PAPOLA: variants seen among roughly 807,000 people sequenced by gnomAD.
The protein encoded by PAPOLA is polynucleotide adenylyltransferase alpha.
In PAPOLA, 15 loss-of-function variants were observed where a neutral mutation model predicts 100.6. The ratio of observed to expected loss-of-function variants is 0.15; its 90% confidence interval spans 0.10 to 0.23. The LOEUF is 0.23. PAPOLA is among the 10% of genes least tolerant of loss of function. The pLI is 1.00. For missense variants in PAPOLA, 533 were observed against 884.2 expected, an observed-to-expected ratio of 0.60 and a Z score of 5.04; for synonymous variants, 293 against 300.0, an observed-to-expected ratio of 0.98 and a Z score of 0.24.
In PAPOLA at chr14:96,523,360, A is replaced by C. The variant is rs150065083; in HGVS notation, c.250-1950A>C. 8.5e-4 allele frequency among the ~76,000 whole-genome samples: 129 copies of C among 152,350 alleles called. 2 individuals carry two copies. The East Asian group carries it at 0.024, about 28-fold the overall frequency. ...AAATAAAAATTAAAATTAAACATTCAGATTCTTGACTACACTAGCAACATT... is the reference window on the plus strand; with the variant it reads ...AAATAAAAATTAAAATTAAACATTCCGATTCTTGACTACACTAGCAACATT... On this transcript the variant is annotated intron_variant, in intron 3 of 21. Coordinates refer to ENST00000216277, the MANE Select transcript of PAPOLA (RefSeq NM_032632.5).
At chr14:96,533,013 G>T in intron 9 of PAPOLA, 1 of 987,446 alleles carries the variant, frequency 1.0e-6, no homozygotes, top group Non-Finnish European at 1.2e-6. Flanking sequence ...CTATCTATAG[G>T]CCATTAGTTT....
chr14:96,523,294 A>G (rs1020637266), intron 3 of PAPOLA, among the ~76,000 whole-genome samples: 2 of 152,222 alleles, frequency 1.3e-5, no homozygotes, highest in Admixed American at 1.3e-4. Context: ...CTAAAAATGT[A>G]GTTTATAATA....
chr14:96,562,211 A>G (rs1424635380), intron 20 of PAPOLA, among the ~76,000 whole-genome samples: 3 of 151,842 alleles, frequency 2.0e-5, no homozygotes, highest in Non-Finnish European at 2.9e-5. Flanking sequence ...ATTTTCATTT[A>G]TTTGTGTAGA....
intron 10 of PAPOLA, chr14:96,535,437 A>T (rs1451740179): frequency 1.0e-6 from 1 of 984,306 alleles, no homozygotes; most frequent in Admixed American, 6.2e-5. Flanking sequence ...ACCGCGTGTT[A>T]ATAAGCTTGA....
In PAPOLA at chr14:96,541,464, A is replaced by G. The variant is rs1464620099; in HGVS notation, c.1116-779A>G. 2.6e-5 allele frequency among the ~76,000 whole-genome samples: 4 copies of G among 152,196 alleles called. No homozygotes were observed. In the East Asian group the frequency reaches 5.8e-4, roughly 22 times the overall value. ...CCAGCACTTCTAAAATGGGTACTGT[A>G]GAAGAGTATATTGGATTGAACTTTT... is the stretch of plus-strand genomic sequence containing the variant. On this transcript the variant is annotated intron_variant, in intron 12 of 21. Transcript: ENST00000216277.
intron 1 of PAPOLA, among the ~76,000 whole-genome samples, chr14:96,516,609 G>A (rs2140245141): frequency 6.6e-6 from 1 of 152,256 alleles, no homozygotes; most frequent in Admixed American, 6.5e-5. Flanking sequence ...TAAGCATTGG[G>A]ATTATATGCA....
chr14:96,533,031 T>C, intron 9 of PAPOLA: 1 of 984,194 alleles, frequency 1.0e-6, no homozygotes, highest in Non-Finnish European at 1.2e-6. Context: ...TTTCTTGTGA[T>C]TGTTTTTTTT....
At chr14:96,520,515 A>C in intron 2 of PAPOLA, among the ~76,000 whole-genome samples, 1 of 152,064 alleles carries the variant, frequency 6.6e-6, no homozygotes, top group East Asian at 1.9e-4. Context: ...AGCTGGGATT[A>C]TAGGTACCCG....
In PAPOLA at chr14:96,565,336, T is replaced by A; in HGVS notation, c.*286T>A. 1 of 335,772 alleles carries A rather than the reference T, an allele frequency of 3.0e-6. No homozygotes were observed. The highest frequency in any genetic ancestry group is 5.4e-6 in the Non-Finnish European group (1 of 184,046). The allele number at this position is 335,772 out of a possible 1,614,324, so 20.8% of individuals were successfully genotyped here. ...GCTATATTTGTATTCATAATTGACA[T>A]CTGGATTGGGTTTATGTTTGATGCA... On this transcript the variant is annotated 3_prime_UTR_variant, in exon 22 of 22. Transcript: ENST00000216277.
intron 1 of PAPOLA, among the ~76,000 whole-genome samples, chr14:96,516,093 CTACTT>C (rs1223857261): frequency 6.6e-6 from 1 of 152,148 alleles, no homozygotes; most frequent in African/African-American, 2.4e-5. Context: ...TTTTATCACT[CTACTT>C]AATTTCTAAT....
chr14:96,509,946 G>A (rs1896994374), intron 1 of PAPOLA, among the ~76,000 whole-genome samples: 1 of 136,048 alleles, frequency 7.4e-6, no homozygotes, highest in Admixed American at 7.4e-5. Flanking sequence ...GTTGTGGCCA[G>A]TACCTTTTGT....
At chr14:96,512,149 A>T (rs966198698) in intron 1 of PAPOLA, among the ~76,000 whole-genome samples, 1 of 152,176 alleles carries the variant, frequency 6.6e-6, no homozygotes, top group Non-Finnish European at 1.5e-5. Flanking sequence ...TATTTACTTT[A>T]AATAATTTAA....
At chr14:96,518,485 T>C (rs945652690) in intron 1 of PAPOLA, among the ~76,000 whole-genome samples, 1 of 151,830 alleles carries the variant, frequency 6.6e-6, no homozygotes, top group Non-Finnish European at 1.5e-5. Context: ...CTCAGCTCAC[T>C]GCAAGCTCCG....
chr14:96,530,950 G>A (rs534652533), intron 6 of PAPOLA, among the ~76,000 whole-genome samples: 66 of 152,044 alleles, frequency 4.3e-4, no homozygotes, highest in Non-Finnish European at 7.5e-4. Context: ...ACAGGTGCAT[G>A]GGAGGTCCAT....
intron 17 of PAPOLA, among the ~76,000 whole-genome samples, chr14:96,553,911 T>G (rs1366214369): frequency 6.6e-6 from 1 of 152,228 alleles, no homozygotes; most frequent in Non-Finnish European, 1.5e-5. Context: ...TGTGTTTTTT[T>G]CTTTCTTTTG....
chr14:96,529,334 C>T (rs1409524129), intron 6 of PAPOLA, among the ~76,000 whole-genome samples: 1 of 151,832 alleles, frequency 6.6e-6, no homozygotes, highest in Non-Finnish European at 1.5e-5. Context: ...TTATCCTAGA[C>T]CACAAGTACT....
At chr14:96,554,606 G>A (rs1566864551) in intron 17 of PAPOLA, among the ~76,000 whole-genome samples, 2 of 152,134 alleles carry the variant, frequency 1.3e-5, no homozygotes, top group Non-Finnish European at 2.9e-5. Flanking sequence ...GAGAGAGAGA[G>A]AGAAAGAGAG....
At chr14:96,520,365 G>A (rs1435468185) in intron 2 of PAPOLA, 137 bp downstream of exon 2, 3 of 654,486 alleles carry the variant, frequency 4.6e-6, no homozygotes, top group Non-Finnish European at 7.5e-6. Flanking sequence ...GGAGAAGAGG[G>A]ATACTTAAGA....
intron 21 of PAPOLA, among the ~76,000 whole-genome samples, chr14:96,563,137 A>G (rs1312670474): frequency 6.6e-6 from 1 of 152,158 alleles, no homozygotes; most frequent in African/African-American, 2.4e-5. Context: ...TGATACTGCA[A>G]ATCATTTAAA....
Sources: allele counts gnomAD v4.1 joint callset (sites outside exome capture counted in the v4.1 genomes callset), GRCh38; gene constraint gnomAD v4.1.1; transcripts MANE v1.5; gene names NCBI Gene and HGNC (gene_info 2026-07-23, HGNC 2026-07-21).